Variants in PRDM2 observed in about 807,000 individuals in gnomAD.
The protein encoded by PRDM2 is PR/SET domain 2.
A neutral mutation model predicts 130.0 loss-of-function variants in PRDM2; 30 were observed. The ratio of observed to expected loss-of-function variants is 0.23; its 90% CI spans 0.17 to 0.31. The LOEUF (loss-of-function observed/expected upper bound fraction) is 0.31, where lower values mean the gene tolerates loss of function less well. Ranked by LOEUF, PRDM2 falls within the 10% of genes least tolerant of loss-of-function variation. The probability of loss-of-function intolerance (pLI) is 1.00; values close to 1 mark genes in which losing one functional copy is unlikely to be tolerated. For synonymous variants in PRDM2, 871 were observed against 782.4 expected (o/e 1.11, Z -1.89); for missense variants, 2,011 against 2,108.4 (o/e 0.95, Z 0.90).
intron 2 of PRDM2, among the ~76,000 whole-genome samples, chr1:13,726,925 G>A (rs1642935755): frequency 6.6e-6 from 1 of 152,138 alleles, no homozygotes; most frequent in Admixed American, 6.5e-5. Context: ...CCAGCAGCTG[G>A]GGTGCCTTGC....
At chr1:13,777,684 C>T (rs1644508766) in intron 7 of PRDM2, among the ~76,000 whole-genome samples, 1 of 117,208 alleles carries the variant, frequency 8.5e-6, no homozygotes, top group African/African-American at 3.3e-5. Context: ...GTCTCTCCTC[C>T]ACTGTCACCT....
chr1:13,722,794 A>G (rs1409901251), intron 2 of PRDM2: 3 of 513,312 alleles, frequency 5.8e-6, no homozygotes, highest in Non-Finnish European at 1.2e-5. Context: ...ACAGTCTCTA[A>G]AGCCAGCAGA....
intron 8 of PRDM2, among the ~76,000 whole-genome samples, chr1:13,809,837 C>T (rs140035287): frequency 3.5e-3 from 528 of 152,276 alleles, no homozygotes; most frequent in African/African-American, 0.012. Flanking sequence ...ATGGACTAGG[C>T]GGCTTAAATG....
intron 6 of PRDM2, among the ~76,000 whole-genome samples, chr1:13,769,806 A>G (rs923313305): frequency 3.3e-5 from 5 of 152,228 alleles, no homozygotes; most frequent in Non-Finnish European, 7.3e-5. Flanking sequence ...TTTTTAATAC[A>G]TGTATAGACC....
rs768601988 is a variant in PRDM2, at chr1:13,782,732, G to T, written c.4937G>T (p.Gly1646Val). The T allele has an allele frequency of 1.9e-6, 3 of 1,613,752 alleles. No individual in the cohort carries two copies. The East Asian group carries it at 6.7e-5, about 36-fold the overall frequency. ...AATATAAAATCTAGAGAGCGGAGTG[G>T]GGGGCCAGTCACCCGGAGCCTTCAG... ...RFNIKSRERS[G>V]GPVTRSLQLA... The change falls in exon 8 of 10, where the codon GGG becomes GTG. Residue 1646 changes from glycine to valine, a missense_variant. Gly to Val is a moderately radical substitution (Grantham distance 109). Transcript: ENST00000311066.
chr1:13,823,457 G>T lies in PRDM2; in HGVS notation c.*322G>T. The T allele has an allele frequency of 2.0e-6, 1 of 503,196 alleles. No individual in the cohort carries two copies. Among genetic ancestry groups the T allele is most frequent in the Non-Finnish European group, 3.5e-6 (1 of 282,062 alleles). The allele number at this position is 503,196 out of a possible 1,614,324, so 31.2% of individuals were successfully genotyped here. On this transcript the variant is annotated 3_prime_UTR_variant, in exon 10 of 10. Transcript: ENST00000311066. ...AGCCCAGCCTTCCTGTTGGGGTGGG[G>T]CCTCTCCTACTATGCAATTTTTCAA...
chr1:13,778,454 C>A lies in PRDM2; in HGVS notation c.659C>A (p.Ala220Glu). The change falls in exon 8 of 10, where the codon GCA (alanine) becomes GAA (glutamate). Residue 220 changes from alanine to glutamate, a missense_variant. Ala to Glu is a moderately radical substitution (Grantham distance 107). Coordinates refer to ENST00000311066, the MANE Select transcript of PRDM2 (RefSeq NM_001393986.1). Reference sequence around the variant, plus strand: ...GACGAAGAGAAGCCTTCAGCCTCAGCACTTGAGCAGCCGGCCACCCTCCAG... The same window carrying A: ...GACGAAGAGAAGCCTTCAGCCTCAGAACTTGAGCAGCCGGCCACCCTCCAG... The part of the protein sequence containing the change: ...KEDEEKPSAS[A>E]LEQPATLQEV... 6.2e-7 allele frequency: 1 copy of A among 1,613,570 alleles called. No homozygotes were observed. Among genetic ancestry groups the A allele is most frequent in the Non-Finnish European group, 8.5e-7 (1 of 1,179,764 alleles).
At chr1:13,768,835 G>A (rs145846544) in intron 6 of PRDM2, among the ~76,000 whole-genome samples, 50 of 152,320 alleles carry the variant, frequency 3.3e-4, no homozygotes, top group Admixed American at 1.2e-3. Context: ...TTAAGTGGCA[G>A]GGGCATCAGT....
At position 13,782,076 on chromosome 1, in the gene PRDM2, G is replaced by A. The variant is rs1394607488; in HGVS notation, c.4281G>A (p.Gln1427=). ...LKLNALKKKN[Q]LVQKAILQKN... is the part of the protein sequence containing the mutation. The stretch of plus-strand genomic sequence containing the variant: ...TAAATGCATTGAAGAAAAAAAATCA[G>A]CTAGTACAGAAAGCAATTCTTCAGA... The change falls in exon 8 of 10, where the codon CAG becomes CAA. Residue 1427 remains glutamine, a synonymous_variant. Coordinates refer to ENST00000311066, the MANE Select transcript of PRDM2 (RefSeq NM_001393986.1). 1.2e-6 allele frequency: 2 copies of A among 1,614,124 alleles called. No individual in the cohort carries two copies. The highest frequency in any genetic ancestry group is 8.5e-7 in the Non-Finnish European group (1 of 1,180,034).
At chr1:13,773,771 G>A (rs1644409436) in intron 7 of PRDM2, 1 of 152,146 alleles carries the variant, frequency 6.6e-6, no homozygotes, top group East Asian at 1.9e-4. Flanking sequence ...AAAATAGCAT[G>A]AAGTTCAAAA....
chr1:13,786,394 A>G lies in PRDM2; in HGVS notation c.5036+3563A>G, dbSNP rs1465413801. On this transcript the variant is annotated intron_variant, in intron 8 of 9. Transcript: ENST00000311066. ...CGCTCGTTCCTAAATGCCTTCAGTCATGTATGTGTTGTCGTCTTAATAACA... is the reference window on the plus strand; with the variant it reads ...CGCTCGTTCCTAAATGCCTTCAGTCGTGTATGTGTTGTCGTCTTAATAACA... 3.7e-6 allele frequency: 5 copies of G among 1,355,172 alleles called. No homozygotes were observed. In the African/African-American group the frequency reaches 5.8e-5, roughly 16 times the overall value. 83.9% of individuals were successfully genotyped at this position (1,355,172 alleles called of 1,614,324 possible).
At chr1:13,785,290 T>C (rs1317054143) in intron 8 of PRDM2, among the ~76,000 whole-genome samples, 2 of 152,210 alleles carry the variant, frequency 1.3e-5, no homozygotes, top group Non-Finnish European at 2.9e-5. Flanking sequence ...TCACTTTCAC[T>C]CTGTTTGCAG....
At position 13,734,882 on chromosome 1, in the gene PRDM2, A is replaced by G. The variant is rs186045291; in HGVS notation, c.231+2000A>G. On this transcript the variant is annotated intron_variant, in intron 4 of 9. Transcript: ENST00000311066. ...ACATGTGTAAGTATGTATATGGCAA[A>G]GGAAGTATCAATTATAATGTAAATA... 4.5e-3 allele frequency among the ~76,000 whole-genome samples: 684 copies of G among 152,366 alleles called. 14 individuals are homozygous for G. Among genetic ancestry groups the G allele is most frequent in the Non-Finnish European group, 3.0e-3 (207 of 68,032 alleles).
At chr1:13,710,668 A>T (rs1177369894) in intron 1 of PRDM2, among the ~76,000 whole-genome samples, 1 of 152,210 alleles carries the variant, frequency 6.6e-6, no homozygotes, top group Non-Finnish European at 1.5e-5. Flanking sequence ...AGAAGGTTTG[A>T]TTAGGCGTGG....
At chr1:13,814,818 C>T (rs1036180599) in intron 8 of PRDM2, among the ~76,000 whole-genome samples, 2 of 152,176 alleles carry the variant, frequency 1.3e-5, no homozygotes, top group African/African-American at 4.8e-5. Flanking sequence ...GGGTTCCGGG[C>T]GTGTTTGTCC....
intron 8 of PRDM2, among the ~76,000 whole-genome samples, chr1:13,794,012 T>C (rs1456257275): frequency 6.6e-6 from 1 of 152,182 alleles, no homozygotes; most frequent in Non-Finnish European, 1.5e-5. Flanking sequence ...GCAATGCAAG[T>C]TGAGACAGAG....
At chr1:13,704,272 C>A (rs1195052160) in intron 1 of PRDM2, among the ~76,000 whole-genome samples, 1 of 147,558 alleles carries the variant, frequency 6.8e-6, no homozygotes, top group Non-Finnish European at 1.5e-5. Context: ...GCCTTTCATT[C>A]CCCACCCCCA....
At chr1:13,754,020 G>A (rs978279680) in intron 6 of PRDM2, among the ~76,000 whole-genome samples, 1 of 152,162 alleles carries the variant, frequency 6.6e-6, no homozygotes, top group South Asian at 2.1e-4. Context: ...CATGTCAGTA[G>A]TGTTTTGCAG....
At chr1:13,774,728 G>A (rs1355943156) in intron 7 of PRDM2, among the ~76,000 whole-genome samples, 2 of 152,162 alleles carry the variant, frequency 1.3e-5, no homozygotes, top group African/African-American at 4.8e-5. Flanking sequence ...TGTAATCCCA[G>A]CACTTTGGGA....
Sources: allele counts gnomAD v4.1 joint callset (sites outside exome capture counted in the v4.1 genomes callset), GRCh38; gene constraint gnomAD v4.1.1; transcripts MANE v1.5; gene names NCBI Gene and HGNC (gene_info 2026-07-23, HGNC 2026-07-21).